LIMS2: variants seen among roughly 807,000 people sequenced by gnomAD.
LIMS2 encodes the protein LIM and senescent cell antigen-like-containing domain protein 2.
In LIMS2, 30 loss-of-function variants were observed where a neutral mutation model predicts 45.3. The ratio of observed to expected loss-of-function variants is 0.66; its 90% CI spans 0.50 to 0.90. LIMS2 has a LOEUF of 0.90. Among genes scored for constraint, LIMS2 ranks in the 40% least tolerant of loss-of-function variants. The probability of loss-of-function intolerance (pLI) is 0.00; values close to 1 mark genes in which losing one functional copy is unlikely to be tolerated. For synonymous variants in LIMS2, 173 were observed against 188.0 expected (o/e 0.92, Z 0.65); for missense variants, 485 against 468.7 (o/e 1.03, Z -0.32).
chr2:127,676,085 CA>C (rs940509412), upstream of LIMS2, among the ~76,000 whole-genome samples: 1 of 152,046 alleles, frequency 6.6e-6, no homozygotes, highest in Non-Finnish European at 1.5e-5. Context: ...TTCAAACAAA[CA>C]AAACAAAAAA....
At chr2:127,641,999 A>C in intron 6 of LIMS2, 50 bp downstream of exon 6, 1 of 1,589,804 alleles carries the variant, frequency 6.3e-7, no homozygotes, top group Admixed American at 1.7e-5. Flanking sequence ...CATGACCCTG[A>C]GCTGGGGCAC....
chr2:127,650,023 G>T, intron 4 of LIMS2: 2 of 1,608,708 alleles, frequency 1.2e-6, no homozygotes, highest in South Asian at 2.2e-5. Flanking sequence ...TGTCCAAACG[G>T]AGTTGGTGGG....
Position 127,671,696 on chromosome 2 carries a change from T to C in LIMS2, c.11+3318A>G, listed in dbSNP as rs917147268. Among the ~76,000 whole-genome samples, 2 of 152,162 alleles carry C rather than the reference T, an allele frequency of 1.3e-5. No homozygotes were observed. Among genetic ancestry groups the C allele is most frequent in the African/African-American group, 4.8e-5 (2 of 41,444 alleles). On this transcript the variant is annotated intron_variant, in intron 1 of 9. Coordinates refer to ENST00000355119, the MANE Select transcript of LIMS2 (RefSeq NM_001161403.3). The surrounding 1 kb of genome is among the most constrained non-coding windows in gnomAD (Gnocchi z 4.1). ...CAGATCAGTCCCTCCATCCCTATTA[T>C]GCCACTGGCCGGCTAGAAGGGGCCA...
intron 1 of LIMS2, among the ~76,000 whole-genome samples, chr2:127,663,713 C>T (rs1486181986): frequency 6.6e-6 from 1 of 151,154 alleles, no homozygotes; most frequent in Non-Finnish European, 1.5e-5. Flanking sequence ...CCCAAGGTCA[C>T]AGCCCTATTG....
chr2:127,668,701 A>T (rs866816214), intron 1 of LIMS2, among the ~76,000 whole-genome samples: 3 of 123,010 alleles, frequency 2.4e-5, no homozygotes, highest in South Asian at 2.4e-4. Flanking sequence ...AAAAAAAAAA[A>T]AAAAAAAAAA....
Position 127,653,666 on chromosome 2 carries a change from G to T in LIMS2, c.359+758C>A, listed in dbSNP as rs377569712. ...AACTCAGGGTCCCGGGTGCCAGAAG[G>T]GGGGCGTTTCTGCACCTCAGCAGCT... is the stretch of plus-strand genomic sequence containing the variant. On this transcript the variant is annotated intron_variant, in intron 4 of 9. Transcript: ENST00000355119. The surrounding 1 kb of genome is among the most constrained non-coding windows in gnomAD (Gnocchi z 5.3). Among the ~76,000 whole-genome samples the T allele has an allele frequency of 3.6e-4, 55 of 152,168 alleles. No homozygotes were observed. Among genetic ancestry groups the T allele is most frequent in the Admixed American group, 1.7e-3 (26 of 15,286 alleles).
rs772828349 is a variant in LIMS2, at chr2:127,663,203, T to C, written c.12-5641A>G. On this transcript the variant is annotated intron_variant, in intron 1 of 9. Transcript: ENST00000355119. The stretch of plus-strand genomic sequence containing the variant: ...CACTCGCAGCCTGGTACCACAGTTA[T>C]GCCACACGCATCCAGGGCTGTCCAG... 8.1e-4 allele frequency among the ~76,000 whole-genome samples: 124 copies of C among 152,328 alleles called. 1 individual carries two copies. Among genetic ancestry groups the C allele is most frequent in the Admixed American group, 7.8e-4 (12 of 15,304 alleles).
Position 127,642,217 on chromosome 2 carries a change from G to T in LIMS2, c.510-18C>A. On this transcript the variant is annotated intron_variant, in intron 5 of 9. Transcript: ENST00000355119. The surrounding 1 kb of genome is among the most constrained non-coding windows in gnomAD (Gnocchi z 5.3). ...GCTCCTTCCTGGAAGACAGCGTGCA[G>T]CCCCCAGGTGCCACCCCTGCCCTTC... is the stretch of plus-strand genomic sequence containing the variant. 1 of 1,511,814 alleles carries T rather than the reference G, an allele frequency of 6.6e-7. No homozygotes were observed. Among genetic ancestry groups the T allele is most frequent in the South Asian group, 1.3e-5 (1 of 77,840 alleles). 93.6% of individuals were successfully genotyped at this position (1,511,814 alleles called of 1,614,324 possible).
At chr2:127,678,183 C>G (rs1283803582), upstream of LIMS2, among the ~76,000 whole-genome samples, 1 of 152,098 alleles carries the variant, frequency 6.6e-6, no homozygotes, top group Non-Finnish European at 1.5e-5. This position sits in a 1 kb window ranked among gnomAD's most constrained non-coding sequence, Gnocchi z 5.3. Flanking sequence ...GGTGGATCCC[C>G]GTAGTCCCAG....
intron 4 of LIMS2, chr2:127,646,187 G>A (rs56045721): frequency 0.039 from 5,945 of 152,392 alleles, 138 homozygotes; most frequent in African/African-American, 0.06. Context: ...ACCCACGGGC[G>A]GAGATCACCT....
In LIMS2 at chr2:127,645,534, G is replaced by A. The variant is rs192942800; in HGVS notation, c.360-2462C>T. Reference sequence around the variant, plus strand: ...CGTGCAGAAGGGGAGCTGCACCGGCGAGCACCCGGCCTCTGAGCTGAGCCG... The same window carrying A: ...CGTGCAGAAGGGGAGCTGCACCGGCAAGCACCCGGCCTCTGAGCTGAGCCG... On this transcript the variant is annotated intron_variant, in intron 4 of 9. Transcript: ENST00000355119. Among the ~76,000 whole-genome samples, 314 of 152,322 alleles carry A rather than the reference G, an allele frequency of 2.1e-3. 1 individual carries two copies. The highest frequency in any genetic ancestry group is 7.1e-3 in the African/African-American group (296 of 41,574).
intron 1 of LIMS2, chr2:127,673,863 C>G (rs1573853432): frequency 1.2e-6 from 1 of 823,460 alleles, no homozygotes; most frequent in Non-Finnish European, 2.0e-6. Context: ...GCAGATGCCA[C>G]TCTCCGGGGG....
At chr2:127,657,634 C>T (rs1558891492) in intron 1 of LIMS2, 72 bp from the exon 2 acceptor site, 20 of 1,440,902 alleles carry the variant, frequency 1.4e-5, no homozygotes, top group East Asian at 4.6e-5. Flanking sequence ...CGGGGGCCTG[C>T]GCCCGACAGA....
rs1684870943 is a variant in LIMS2, at chr2:127,664,300, A to C, written c.12-6738T>G. 3 of 1,235,728 alleles carry C rather than the reference A, an allele frequency of 2.4e-6. No homozygotes were observed. The allele number at this position is 1,235,728 out of a possible 1,614,324, so 76.5% of individuals were successfully genotyped here. A position where few individuals can be genotyped will look rare whatever the true frequency, so the allele number is the denominator to read the frequency against. ...CCCGCCACCCGCCCCGCCCCTGGCCACCTACCCCGTGGCTGGCGGCGGGCT... is the reference window on the plus strand; with the variant it reads ...CCCGCCACCCGCCCCGCCCCTGGCCCCCTACCCCGTGGCTGGCGGCGGGCT... On this transcript the variant is annotated intron_variant, in intron 1 of 9. Transcript: ENST00000355119. This position sits in a 1 kb window ranked among gnomAD's most constrained non-coding sequence, Gnocchi z 5.5.
At chr2:127,673,658 A>G in intron 1 of LIMS2, 1 of 1,551,006 alleles carries the variant, frequency 6.4e-7, no homozygotes, top group Non-Finnish European at 8.7e-7. Context: ...CTGTGCCTGA[A>G]GGAACCGCCT....
At chr2:127,654,383 G>T (rs779716322) in intron 4 of LIMS2, 41 bp downstream of exon 4, 1 of 1,612,864 alleles carries the variant, frequency 6.2e-7, no homozygotes, top group Admixed American at 1.7e-5. Context: ...GCCAGGAAGG[G>T]CTGTGGCCCA....
rs1004537698 is a variant in LIMS2 at position 127,642,027 on chromosome 2, C to T, written c.660+22G>A. On this transcript the variant is annotated intron_variant, in intron 6 of 9. Transcript: ENST00000355119. This position sits in a 1 kb window ranked among gnomAD's most constrained non-coding sequence, Gnocchi z 5.3. ...TGGGGCACCCCCCAACCTGAGGCCA[C>T]GTGTCCACCAGCCTGGCTCACCTCC... 1.6e-5 allele frequency: 26 copies of T among 1,607,832 alleles called. No homozygotes were observed. Among genetic ancestry groups the T allele is most frequent in the African/African-American group, 9.4e-5 (7 of 74,814 alleles).
chr2:127,659,498 G>C (rs929397142), intron 1 of LIMS2, among the ~76,000 whole-genome samples: 3 of 152,200 alleles, frequency 2.0e-5, no homozygotes, highest in African/African-American at 7.2e-5. Context: ...TCGAGGGCTG[G>C]GCAGGGCTTC....
In LIMS2 at chr2:127,657,451, G is replaced by A. The variant is rs772617775; in HGVS notation, c.123C>T (p.Phe41=). The change falls in exon 2 of 10, where the codon TTC becomes TTT. Residue 41 remains phenylalanine (F), a synonymous_variant. Transcript: ENST00000355119. ...AGGGCCGGAAGCACTGGGCACACACGAAGCAGTGCTCATGGTACAGCTCCC... is the reference window on the plus strand; with the variant it reads ...AGGGCCGGAAGCACTGGGCACACACAAAGCAGTGCTCATGGTACAGCTCCC... The part of the protein sequence containing the change: ...SNGELYHEHC[F]VCAQCFRPFP... The A allele has an allele frequency of 7.4e-6, 12 of 1,613,888 alleles. No homozygotes were observed. The highest frequency in any genetic ancestry group is 4.4e-5 in the South Asian group (4 of 91,090).
Sources: gnomAD v4.1 joint callset for allele counts (sites outside exome capture counted in the v4.1 genomes callset) on GRCh38, gnomAD v4.1.1 for gene constraint, Gnocchi (gnomAD v3.1) non-coding constraint, MANE v1.5 for transcripts, NCBI Gene and HGNC (gene_info 2026-07-23, HGNC 2026-07-21) for gene names.